The following ANK2 variants were observed in gnomAD, a reference collection of about 807,000 sequenced individuals.
ANK2 encodes the protein ankyrin 2.
ANK2 carries 83 observed loss-of-function variants against 360.5 expected under a neutral mutation model. The ratio of observed to expected loss-of-function variants is 0.23; its 90% CI spans 0.19 to 0.28. ANK2 has a LOEUF of 0.28. ANK2 is among the 10% of genes least tolerant of loss of function. ANK2 has a pLI of 1.00. For synonymous variants in ANK2, 1,740 were observed against 1,759.5 expected (o/e 0.99, Z 0.28); for missense variants, 4,201 against 4,795.7 (o/e 0.88, Z 3.66).
intron 17 of ANK2, among the ~76,000 whole-genome samples, chr4:113,279,668 TA>T (rs2061512469): frequency 6.7e-6 from 1 of 148,520 alleles, no homozygotes; most frequent in Non-Finnish European, 1.5e-5. Context: ...ATACATAAAA[TA>T]TGTTCTGTAT....
chr4:113,252,766 C>T (rs187089220), intron 10 of ANK2, among the ~76,000 whole-genome samples: 5 of 152,150 alleles, frequency 3.3e-5, no homozygotes, highest in Admixed American at 6.5e-5. Flanking sequence ...TACTCCCTTA[C>T]GTATTCATAC....
intron 45 of ANK2, chr4:113,378,217 A>G (rs918969614): frequency 1.4e-5 from 15 of 1,059,708 alleles, no homozygotes; most frequent in Non-Finnish European, 1.8e-5. Flanking sequence ...TTGCCAACTA[A>G]CACCATAAAA....
chr4:113,358,638 T>A lies in ANK2; in HGVS notation c.10020T>A (p.Asp3340Glu), dbSNP rs1210742834. ...LSSVDEENKA[D>E]EAKPKSKLPV... ...GTGTAGATGAGGAAAATAAGGCGGA[T>A]GAAGCAAAACCAAAGTCCAAACTCC... Residue 3340 changes from aspartate to glutamate, a missense_variant, in exon 38 of 46, where the codon GAT becomes GAA. Physicochemically the swap from Asp to Glu is conservative, Grantham distance 45. Coordinates refer to ENST00000357077, the MANE Select transcript of ANK2 (RefSeq NM_001148.6). 2.5e-6 allele frequency: 4 copies of A among 1,612,126 alleles called. No individual in the cohort carries two copies. The highest frequency in any genetic ancestry group is 1.6e-4 in the Middle Eastern group (1 of 6,078).
At chr4:113,110,036 G>A (rs2094121651) in intron 1 of ANK2, among the ~76,000 whole-genome samples, 1 of 152,178 alleles carries the variant, frequency 6.6e-6, no homozygotes, top group Non-Finnish European at 1.5e-5. Flanking sequence ...TGCTGGTCAT[G>A]CTGTTATTAG....
intron 20 of ANK2, 107 bp from the exon 21 acceptor site, chr4:113,292,309 T>G: frequency 9.9e-7 from 1 of 1,013,150 alleles, no homozygotes; most frequent in Non-Finnish European, 1.5e-6. Context: ...AAATAAAGCA[T>G]CTGTGATGGT....
chr4:113,132,270 T>C (rs1056646539), intron 1 of ANK2, among the ~76,000 whole-genome samples: 5 of 152,180 alleles, frequency 3.3e-5, no homozygotes, highest in Non-Finnish European at 7.3e-5. Context: ...TATAGATGTA[T>C]TTATCAAAAT....
intron 1 of ANK2, among the ~76,000 whole-genome samples, chr4:113,064,065 A>G (rs1302120672): frequency 6.6e-6 from 1 of 152,202 alleles, no homozygotes; most frequent in African/African-American, 2.4e-5. Flanking sequence ...ACAGATATGT[A>G]TAAATGACTC....
intron 37 of ANK2, 88 bp downstream of exon 37, chr4:113,350,337 T>A (rs2095326010): frequency 6.5e-6 from 7 of 1,078,052 alleles, no homozygotes; most frequent in Non-Finnish European, 9.7e-6. Context: ...TTGCTATTAC[T>A]AACCACTATA....
At chr4:112,737,185 C>T in the ANK2 span, among the ~76,000 whole-genome samples, 1 of 152,120 alleles carries the variant, frequency 6.6e-6, no homozygotes, top group East Asian at 1.9e-4. Context: ...ATACAAAGTG[C>T]TGTGCACATA....
intron 1 of ANK2, among the ~76,000 whole-genome samples, chr4:112,899,904 C>CTGAA (rs142040933): frequency 1.1e-3 from 162 of 152,138 alleles, no homozygotes; most frequent in African/African-American, 3.4e-3. Context: ...AAACCACAGG[C>CTGAA]TGAATGAATG....
At chr4:112,939,721 A>AT (rs1451585344) in intron 2 of ANK2, among the ~76,000 whole-genome samples, 1 of 152,120 alleles carries the variant, frequency 6.6e-6, no homozygotes, top group Non-Finnish European at 1.5e-5. Flanking sequence ...CTCCCTCCTT[A>AT]TATCTGTCTT....
intron 1 of ANK2, among the ~76,000 whole-genome samples, chr4:112,885,369 C>T (rs141289074): frequency 4.6e-5 from 7 of 151,648 alleles, no homozygotes; most frequent in Non-Finnish European, 8.8e-5. Flanking sequence ...TGTGGAGGCA[C>T]GCGCCTGTAA....
intron 17 of ANK2, among the ~76,000 whole-genome samples, chr4:113,280,139 CT>C (rs797014763): frequency 2.6e-4 from 40 of 152,042 alleles, no homozygotes; most frequent in African/African-American, 9.2e-4. Context: ...TTCATTAGTA[CT>C]CATGAGTACT....
At chr4:113,290,507 A>G (rs1226978360) in intron 20 of ANK2, among the ~76,000 whole-genome samples, 1 of 152,202 alleles carries the variant, frequency 6.6e-6, no homozygotes, top group Non-Finnish European at 1.5e-5. Flanking sequence ...AAACCCTGTT[A>G]TAGCAACTTG....
rs147528393 is a variant in ANK2, at chr4:113,304,325, A to G, written c.2548+1486A>G. 1.9e-4 allele frequency among the ~76,000 whole-genome samples: 29 copies of G among 152,200 alleles called. No homozygotes were observed. The East Asian group carries it at 5.4e-3, about 28-fold the overall frequency. ...GAGTGAAAGCTTTTCTTTGCTTTTG[A>G]TTTTTCTTAACTGGATAGAACAACT... On this transcript the variant is annotated intron_variant, in intron 23 of 45. Transcript: ENST00000357077.
rs747505016 is a variant in ANK2 at position 113,317,771 on chromosome 4, G to A, written c.2758G>A (p.Ala920Thr). The A allele has an allele frequency of 1.9e-6, 3 of 1,614,146 alleles. No individual in the cohort carries two copies. The highest frequency in any genetic ancestry group is 3.3e-5 in the Admixed American group (2 of 60,022). ...LSHASYLRDS[A>T]VMDDSVVIPS... ...CCATGCCTCCTACCTGAGGGACAGT[G>A]CCGTGATGGATGACTCAGTTGTGAT... The change falls in exon 25 of 46, where the codon GCC becomes ACC. Residue 920 changes from alanine to threonine, a missense_variant. By Grantham distance (58) the Ala-to-Thr change is moderately conservative. Around this residue, in one of 4 missense-constraint regions of ANK2, gnomAD observed 1,268 missense variants for 1,650.8 expected, o/e 0.77. Transcript: ENST00000357077.
At chr4:113,244,651 G>T (rs1338124841) in intron 9 of ANK2, among the ~76,000 whole-genome samples, 2 of 152,114 alleles carry the variant, frequency 1.3e-5, no homozygotes, top group Non-Finnish European at 2.9e-5. Flanking sequence ...AAGTTCTGGG[G>T]TGCATATGCA....
At chr4:112,963,767 T>G (rs1456544384) in intron 2 of ANK2, among the ~76,000 whole-genome samples, 1 of 152,112 alleles carries the variant, frequency 6.6e-6, no homozygotes, top group Non-Finnish European at 1.5e-5. Context: ...AAAATGTAAT[T>G]ATTTGTAAGA....
chr4:113,235,826 C>T (rs542652286), intron 5 of ANK2, among the ~76,000 whole-genome samples: 26 of 150,588 alleles, frequency 1.7e-4, no homozygotes, highest in Non-Finnish European at 2.4e-4. Flanking sequence ...ACTGCAAGCT[C>T]TGCCTCCCGG....
Sources: allele counts gnomAD v4.1 joint callset (sites outside exome capture counted in the v4.1 genomes callset), GRCh38; gene constraint gnomAD v4.1.1; regional missense constraint gnomAD v4.1.1; transcripts MANE v1.5; gene names NCBI Gene and HGNC (gene_info 2026-07-23, HGNC 2026-07-21).